Variants in DPYD observed in about 807,000 individuals in gnomAD.
DPYD encodes dihydropyrimidine dehydrogenase [NADP(+)].
In DPYD, 109 loss-of-function variants were observed where a neutral mutation model predicts 116.2. That is an observed-to-expected ratio of 0.94 (90% CI 0.80 to 1.10). The LOEUF is 1.10. Ranked by LOEUF, DPYD falls within the 50% of genes least tolerant of loss-of-function variation. The pLI is 0.00. For missense variants in DPYD, 1,302 were observed against 1,254.5 expected (o/e 1.04, Z -0.57); for synonymous variants, 440 against 432.0 (o/e 1.02, Z -0.23).
At chr1:97,803,337 T>G (rs1444215548) in intron 3 of DPYD, among the ~76,000 whole-genome samples, 1 of 151,932 alleles carries the variant, frequency 6.6e-6, no homozygotes, top group African/African-American at 2.4e-5. Flanking sequence ...TTATAATATA[T>G]CACTAAGTTA....
At chr1:97,822,247 T>TATATAC (rs1553246767) in intron 3 of DPYD, among the ~76,000 whole-genome samples, 1 of 148,814 alleles carries the variant, frequency 6.7e-6, no homozygotes, top group African/African-American at 2.4e-5. Flanking sequence ...TATATATATA[T>TATATAC]ACACACACAC....
chr1:97,628,346 A>T (rs569282069), intron 8 of DPYD, among the ~76,000 whole-genome samples: 1 of 152,172 alleles, frequency 6.6e-6, no homozygotes, highest in South Asian at 2.1e-4. Context: ...TACGTATCAC[A>T]TTCCTAGACA....
chr1:97,619,057 T>C (rs1404480153), intron 8 of DPYD, among the ~76,000 whole-genome samples: 1 of 152,128 alleles, frequency 6.6e-6, no homozygotes, highest in Non-Finnish European at 1.5e-5. Flanking sequence ...AGACTGTAAA[T>C]GGGGATAATA....
At chr1:97,357,333 C>T (rs765122664) in intron 16 of DPYD, among the ~76,000 whole-genome samples, 3 of 149,632 alleles carry the variant, frequency 2.0e-5, no homozygotes, top group Non-Finnish European at 3.0e-5. Context: ...TTGTATGCTG[C>T]AACTGTGCTG....
chr1:97,419,745 G>C (rs1340815770), intron 14 of DPYD, among the ~76,000 whole-genome samples: 1 of 151,912 alleles, frequency 6.6e-6, no homozygotes, highest in Non-Finnish European at 1.5e-5. Context: ...AGTAAACATG[G>C]GTTTATACCT....
chr1:97,583,650 C>CTTTTTTTTTTTTT, intron 10 of DPYD, among the ~76,000 whole-genome samples: 1 of 132,532 alleles, frequency 7.5e-6, no homozygotes, highest in Non-Finnish European at 1.6e-5. Flanking sequence ...CTCGTATTTC[C>CTTTTTTTTTTTTT]TTTTTTTTTT....
intron 13 of DPYD, among the ~76,000 whole-genome samples, chr1:97,464,843 T>C (rs1677226442): frequency 6.6e-6 from 1 of 151,836 alleles, no homozygotes; most frequent in South Asian, 2.1e-4. Flanking sequence ...TGCCCTAGAG[T>C]CCCTACTAGG....
At chr1:97,351,289 G>T (rs747964994) in intron 16 of DPYD, among the ~76,000 whole-genome samples, 2 of 152,048 alleles carry the variant, frequency 1.3e-5, no homozygotes, top group Non-Finnish European at 2.9e-5. Flanking sequence ...ATTCTTGCAG[G>T]TGCTTAAAAT....
chr1:97,217,871 G>C (rs571450079), intron 19 of DPYD, among the ~76,000 whole-genome samples: 53 of 152,252 alleles, frequency 3.5e-4, no homozygotes, highest in Non-Finnish European at 6.0e-4. Flanking sequence ...ATACTCGGAG[G>C]ACTGAGACTC....
chr1:97,283,428 T>A (rs1422495334), intron 18 of DPYD, among the ~76,000 whole-genome samples: 1 of 152,100 alleles, frequency 6.6e-6, no homozygotes, highest in Non-Finnish European at 1.5e-5. Context: ...TCACCTTTCA[T>A]CTAGGTGAAA....
chr1:97,449,943 C>T, intron 14 of DPYD, 116 bp downstream of exon 14: 1 of 1,349,444 alleles, frequency 7.4e-7, no homozygotes, highest in Non-Finnish European at 1.0e-6. Flanking sequence ...AAGCAACTGG[C>T]AGATTCTTTA....
rs535748466 is a variant in DPYD, at chr1:97,749,542, A to C, written c.234-9063T>G. Reference sequence around the variant, plus strand: ...AAAGAGTTCAGTTAACAGCTTTAACAGAGAAATACCTATATCTTATATACC... The same window carrying C: ...AAAGAGTTCAGTTAACAGCTTTAACCGAGAAATACCTATATCTTATATACC... On this transcript the variant is annotated intron_variant, in intron 3 of 22. Transcript: ENST00000370192. Among the ~76,000 whole-genome samples, 8 of 152,338 alleles carry C rather than the reference A, an allele frequency of 5.3e-5. No homozygotes were observed. In the South Asian group the frequency reaches 1.4e-3, roughly 28 times the overall value.
chr1:97,882,996 T>C (rs1278761610), intron 2 of DPYD, among the ~76,000 whole-genome samples: 1 of 152,110 alleles, frequency 6.6e-6, no homozygotes, highest in African/African-American at 2.4e-5. Context: ...TCAAAAATGC[T>C]TGACAACAGA....
chr1:97,502,877 GAATACTGT>G (rs1195068225), intron 13 of DPYD, among the ~76,000 whole-genome samples: 4 of 152,002 alleles, frequency 2.6e-5, no homozygotes, highest in African/African-American at 9.6e-5. Context: ...AGCCTCACTA[GAATACTGT>G]AAAAAGGCAG....
chr1:97,844,225 T>A (rs1006390583), intron 2 of DPYD, among the ~76,000 whole-genome samples: 1 of 152,108 alleles, frequency 6.6e-6, no homozygotes, highest in African/African-American at 2.4e-5. Context: ...TAATAAAAAA[T>A]ACATATTTTG....
At chr1:97,869,702 A>G (rs1671564162) in intron 2 of DPYD, among the ~76,000 whole-genome samples, 1 of 151,714 alleles carries the variant, frequency 6.6e-6, no homozygotes, top group Admixed American at 6.6e-5. Flanking sequence ...CTTATCTTCC[A>G]TTGGTATCCC....
chr1:97,836,562 C>A (rs1391774424), intron 2 of DPYD, among the ~76,000 whole-genome samples: 3 of 151,916 alleles, frequency 2.0e-5, no homozygotes, highest in African/African-American at 7.2e-5. Flanking sequence ...TTAGAAGGAT[C>A]ACTTATTTTA....
chr1:97,625,435 T>C (rs937070423), intron 8 of DPYD, among the ~76,000 whole-genome samples: 1 of 151,992 alleles, frequency 6.6e-6, no homozygotes, highest in Admixed American at 6.6e-5. Context: ...ACAGAATGAC[T>C]ATAGATGATA....
At chr1:97,262,496 G>A (rs1434487439) in intron 18 of DPYD, among the ~76,000 whole-genome samples, 1 of 151,708 alleles carries the variant, frequency 6.6e-6, no homozygotes, top group Non-Finnish European at 1.5e-5. Flanking sequence ...AATAAAAATG[G>A]GTTACATTTT....
Sources: gnomAD v4.1 joint callset for allele counts (sites outside exome capture counted in the v4.1 genomes callset) on GRCh38, gnomAD v4.1.1 for gene constraint, MANE v1.5 for transcripts, NCBI Gene and HGNC (gene_info 2026-07-23, HGNC 2026-07-21) for gene names.